ERBB2: variants seen among roughly 807,000 people sequenced by gnomAD.
ERBB2 encodes the protein receptor tyrosine-protein kinase erbB-2.
In ERBB2, 61 loss-of-function variants were observed where a neutral mutation model predicts 149.0. The ratio of observed to expected loss-of-function variants is 0.41; its 90% CI spans 0.33 to 0.51. The LOEUF (loss-of-function observed/expected upper bound fraction) is 0.51. Among genes scored for constraint, ERBB2 ranks in the 20% least tolerant of loss-of-function variants. The pLI, the probability that ERBB2 is intolerant of heterozygous loss-of-function variation, is 0.25. For missense variants in ERBB2, 1,205 were observed against 1,655.1 expected (o/e 0.73, Z 4.72); for synonymous variants, 633 against 678.8 (o/e 0.93, Z 1.05).
rs1275074979 is a variant in ERBB2, at chr17:39,723,778, G to A, written c.2208+118G>A. On this transcript the variant is annotated intron_variant, in intron 18 of 26. Coordinates refer to ENST00000269571, the MANE Select transcript of ERBB2 (RefSeq NM_004448.4). This position sits in a 1 kb window ranked among gnomAD's most constrained non-coding sequence, Gnocchi z 6.2. The stretch of plus-strand genomic sequence containing the variant: ...TGGAGGCAGTGTTTGGGGGAGGGCA[G>A]TTACAGCGGAGAAGGGAGCGGGGCC... 49 of 1,506,562 alleles carry A rather than the reference G, an allele frequency of 3.3e-5. No individual in the cohort carries two copies. The highest frequency in any genetic ancestry group is 4.1e-5 in the Non-Finnish European group (45 of 1,110,206). The allele number at this position is 1,506,562 out of a possible 1,614,324, so 93.3% of individuals were successfully genotyped here. A position where few individuals can be genotyped will look rare whatever the true frequency, so the allele number is the denominator to read the frequency against.
chr17:39,691,574 T>TATATATATACACAC (rs1244087250), upstream of ERBB2, among the ~76,000 whole-genome samples: 60 of 122,022 alleles, frequency 4.9e-4, no homozygotes, highest in African/African-American at 2.3e-3. Context: ...TATATATATA[T>TATATATATACACAC]ACACACACAC....
At position 39,700,216 on chromosome 17, in the gene ERBB2, G is replaced by T; in HGVS notation, c.-23G>T. On this transcript the variant is annotated 5_prime_UTR_variant, in exon 1 of 27. Coordinates refer to ENST00000269571, the MANE Select transcript of ERBB2 (RefSeq NM_004448.4). The stretch of plus-strand genomic sequence containing the variant: ...CCAGCCGGGTCCAGCCGGAGCCATG[G>T]GGCCGGAGCCGCAGTGAGCACCATG... 7.0e-7 allele frequency: 1 copy of T among 1,433,324 alleles called. No individual in the cohort carries two copies. Among genetic ancestry groups the T allele is most frequent in the African/African-American group, 1.5e-5 (1 of 67,486 alleles). The allele number at this position is 1,433,324 out of a possible 1,614,324, so 88.8% of individuals were successfully genotyped here.
chr17:39,711,904 G>C (rs2145557150), intron 7 of ERBB2, 24 bp from the exon 8 acceptor site: 1 of 1,613,878 alleles, frequency 6.2e-7, no homozygotes, highest in Admixed American at 1.7e-5. Context: ...AGGGTATGTG[G>C]CTACATGTTC....
Position 39,716,354 on chromosome 17 carries a change from C to G in ERBB2, c.1567C>G (p.Pro523Ala), listed in dbSNP as rs202202058. 1 of 1,608,878 alleles carries G rather than the reference C, an allele frequency of 6.2e-7. No homozygotes were observed. Among genetic ancestry groups the G allele is most frequent in the South Asian group, 1.1e-5 (1 of 90,390 alleles). The change falls in exon 13 of 27, where the codon CCA (proline) becomes GCA (alanine). Residue 523 changes from proline to alanine, a missense_variant. Pro to Ala is a conservative substitution (Grantham distance 27, BLOSUM62 -1). This residue lies in a region of ERBB2 where 569 missense variants were observed against 803.5 expected (regional missense o/e 0.71). Transcript: ENST00000269571. ...GTGCGCCCGAGGGCACTGCTGGGGTCCAGGGCCCACCCAGTGTGTCAACTG... is the reference window on the plus strand; with the variant it reads ...GTGCGCCCGAGGGCACTGCTGGGGTGCAGGGCCCACCCAGTGTGTCAACTG... ...QLCARGHCWG[P>A]GPTQCVNCSQ...
rs938290199 is a variant in ERBB2 at position 39,725,810 on chromosome 17, G to A, written c.2829G>A (p.Gln943=). Residue 943 remains glutamine, a synonymous_variant, in exon 23 of 27, where the codon CAG becomes CAA. Transcript: ENST00000269571. The surrounding 1 kb of genome is among the most constrained non-coding windows in gnomAD (Gnocchi z 4.6). ...DLLEKGERLP[Q]PPICTIDVYM... ...TGGAAAAGGGGGAGCGGCTGCCCCA[G>A]CCCCCCATCTGCACCATTGATGTCT... The A allele has an allele frequency of 6.2e-7, 1 of 1,613,836 alleles. No individual in the cohort carries two copies. Among genetic ancestry groups the A allele is most frequent in the Non-Finnish European group, 8.5e-7 (1 of 1,179,896 alleles).
chr17:39,710,548 A>G lies in ERBB2; in HGVS notation c.901+67A>G, dbSNP rs1448610853. On this transcript the variant is annotated intron_variant, in intron 7 of 26. Coordinates refer to ENST00000269571, the MANE Select transcript of ERBB2 (RefSeq NM_004448.4). ...GAGGTTTGTTTCTGTAAATGGGAGC[A>G]TATGGGGAGCACTGTCTGCATCTTG... 5 of 1,561,520 alleles carry G rather than the reference A, an allele frequency of 3.2e-6. No homozygotes were observed. In the African/African-American group the frequency reaches 6.8e-5, roughly 21 times the overall value.
upstream of ERBB2, chr17:39,699,566 C>T (rs1193961962): frequency 1.5e-5 from 23 of 1,533,140 alleles, no homozygotes; most frequent in Non-Finnish European, 1.9e-5. Flanking sequence ...AGATATGCCC[C>T]GGGGGTCCTG....
Position 39,725,087 on chromosome 17 carries a change from G to A in ERBB2, c.2532G>A (p.Arg844=), listed in dbSNP as rs1422047458. Residue 844 remains arginine (R), a synonymous_variant, in exon 21 of 27, where the codon AGG becomes AGA. Transcript: ENST00000269571. This position sits in a 1 kb window ranked among gnomAD's most constrained non-coding sequence, Gnocchi z 4.6. ...TGGAGGATGTGCGGCTCGTACACAGGGACTTGGCCGCTCGGAACGTGCTGG... is the reference window on the plus strand; with the variant it reads ...TGGAGGATGTGCGGCTCGTACACAGAGACTTGGCCGCTCGGAACGTGCTGG... ...SYLEDVRLVH[R]DLAARNVLVK... 1 of 1,614,132 alleles carries A rather than the reference G, an allele frequency of 6.2e-7. No homozygotes were observed. Among genetic ancestry groups the A allele is most frequent in the Non-Finnish European group, 8.5e-7 (1 of 1,180,036 alleles).
In ERBB2 at chr17:39,727,767, G is replaced by A. The variant is rs1248880121; in HGVS notation, c.3491G>A (p.Gly1164Asp). 2 of 1,607,618 alleles carry A rather than the reference G, an allele frequency of 1.2e-6. No individual in the cohort carries two copies. Among genetic ancestry groups the A allele is most frequent in the Non-Finnish European group, 8.5e-7 (1 of 1,175,342 alleles). ...CCTCTGCCTGCTGCCCGACCTGCTG[G>A]TGCCACTCTGGAAAGGCCCAAGACT... Reference protein sequence around the residue: ...EGPLPAARPAGATLERPKTLS... With the variant: ...EGPLPAARPADATLERPKTLS... Residue 1164 changes from glycine to aspartate, a missense_variant, in exon 27 of 27, where the codon GGT (glycine) becomes GAT (aspartate). Around this residue, in one of 6 missense-constraint regions of ERBB2, gnomAD observed 312 missense variants for 343.8 expected, o/e 0.91. Coordinates refer to ENST00000269571, the MANE Select transcript of ERBB2 (RefSeq NM_004448.4). This position sits in a 1 kb window ranked among gnomAD's most constrained non-coding sequence, Gnocchi z 4.3.
At chr17:39,694,226 A>AT, upstream of ERBB2, among the ~76,000 whole-genome samples, 1 of 18,534 alleles carries the variant, frequency 5.4e-5, no homozygotes, top group Non-Finnish European at 9.7e-5. Flanking sequence ...AAAAAAAAAA[A>AT]ATATATATAT....
chr17:39,721,844 T>C (rs1795666724), intron 16 of ERBB2, among the ~76,000 whole-genome samples: 1 of 152,248 alleles, frequency 6.6e-6, no homozygotes, highest in South Asian at 2.1e-4. Flanking sequence ...AGCAATAATA[T>C]ACATTCAGTA....
upstream of ERBB2, among the ~76,000 whole-genome samples, chr17:39,695,833 A>G (rs2057852142): frequency 1.3e-5 from 2 of 150,552 alleles, no homozygotes; most frequent in Admixed American, 1.3e-4. Context: ...TTGCAGCCCC[A>G]GCCTGTTGAC....
chr17:39,716,454 G>T (rs2145682434), intron 13 of ERBB2, 21 bp downstream of exon 13: 1 of 1,612,868 alleles, frequency 6.2e-7, no homozygotes, highest in Non-Finnish European at 8.5e-7. Context: ...CGGAGGAGAG[G>T]GTGGCTGGAG....
intron 3 of ERBB2, among the ~76,000 whole-genome samples, 156 bp downstream of exon 3, chr17:39,708,690 G>T (rs941196248): frequency 1.3e-5 from 2 of 152,216 alleles, no homozygotes; most frequent in Non-Finnish European, 2.9e-5. Context: ...ATTGGAAAAA[G>T]ATTCCCCTTC....
rs371178334 is a variant in ERBB2, at chr17:39,726,769, G to C, written c.2971-46G>C. On this transcript the variant is annotated intron_variant, in intron 24 of 26. Coordinates refer to ENST00000269571, the MANE Select transcript of ERBB2 (RefSeq NM_004448.4). This position sits in a 1 kb window ranked among gnomAD's most constrained non-coding sequence, Gnocchi z 5.1. ...CCAGGCCCCTCACGGAAGGCTGCAT[G>C]CTGGGCTGGGGAGGGGCCACCATCC... 1.9e-5 allele frequency: 31 copies of C among 1,597,852 alleles called. No individual in the cohort carries two copies. The African/African-American group carries it at 3.9e-4, about 20-fold the overall frequency.
At position 39,728,160 on chromosome 17, in the gene ERBB2, C is replaced by T. The variant is rs2059884679; in HGVS notation, c.*116C>T. On this transcript the variant is annotated 3_prime_UTR_variant, in exon 27 of 27. Transcript: ENST00000269571. ...TCCGACCACTTCCAGGGGAACCTGCCATGCCAGGAACCTGTCCTAAGGAAC... is the reference window on the plus strand; with the variant it reads ...TCCGACCACTTCCAGGGGAACCTGCTATGCCAGGAACCTGTCCTAAGGAAC... The T allele has an allele frequency of 2.8e-6, 2 of 713,394 alleles. No homozygotes were observed. The highest frequency in any genetic ancestry group is 4.5e-6 in the Non-Finnish European group (2 of 441,288). 44.2% of individuals were successfully genotyped at this position (713,394 alleles called of 1,614,324 possible).
At position 39,709,840 on chromosome 17, in the gene ERBB2, G is replaced by T. The variant is rs750651941; in HGVS notation, c.602G>T (p.Gly201Val). ...ACHPCSPMCK[G>V]SRCWGESSED... ...CACCCCTGTTCTCCGATGTGTAAGG[G>T]CTCCCGCTGCTGGGGAGAGAGTTCT... The change falls in exon 5 of 27, where the codon GGC (glycine) becomes GTC (valine). Residue 201 changes from glycine to valine, a missense_variant. Around this residue, in one of 6 missense-constraint regions of ERBB2, gnomAD observed 569 missense variants for 803.5 expected, o/e 0.71. Coordinates refer to ENST00000269571, the MANE Select transcript of ERBB2 (RefSeq NM_004448.4). 8.7e-6 allele frequency: 14 copies of T among 1,613,388 alleles called. No homozygotes were observed. The highest frequency in any genetic ancestry group is 1.2e-5 in the Non-Finnish European group (14 of 1,180,036).
At chr17:39,714,695 G>A (rs892652256) in intron 9 of ERBB2, among the ~76,000 whole-genome samples, 1 of 151,786 alleles carries the variant, frequency 6.6e-6, no homozygotes, top group African/African-American at 2.4e-5. Flanking sequence ...CTTACAAACA[G>A]TTCCACTTTG....
intron 16 of ERBB2, among the ~76,000 whole-genome samples, chr17:39,720,624 G>A (rs1215939212): frequency 1.3e-5 from 2 of 152,118 alleles, no homozygotes; most frequent in Non-Finnish European, 2.9e-5. Flanking sequence ...CAACACCCGG[G>A]AGCTCCATCT....
Sources: gnomAD v4.1 joint callset for allele counts (sites outside exome capture counted in the v4.1 genomes callset) on GRCh38, gnomAD v4.1.1 for gene constraint, gnomAD v4.1.1 regional missense constraint, Gnocchi (gnomAD v3.1) non-coding constraint, MANE v1.5 for transcripts, NCBI Gene and HGNC (gene_info 2026-07-23, HGNC 2026-07-21) for gene names.